The following RORA variants were observed in gnomAD, a reference collection of about 807,000 sequenced individuals.
The protein encoded by RORA is RAR related orphan receptor A.
Under a neutral mutation model 69.5 loss-of-function variants are expected in RORA, and 7 were observed. The observed-to-expected ratio is 0.10, with a 90% CI of 0.06 to 0.19. The LOEUF (loss-of-function observed/expected upper bound fraction) is 0.19, where lower values mean the gene tolerates loss of function less well. Among genes scored for constraint, RORA ranks in the 10% least tolerant of loss-of-function variants. The pLI, the probability that RORA is intolerant of heterozygous loss-of-function variation, is 1.00. For missense variants in RORA, 457 were observed against 663.0 expected (o/e 0.69, Z 3.41); for synonymous variants, 261 against 240.8 (o/e 1.08, Z -0.78).
At chr15:60,864,623 T>A (rs1389798493) in intron 1 of RORA, among the ~76,000 whole-genome samples, 1 of 152,216 alleles carries the variant, frequency 6.6e-6, no homozygotes, top group Non-Finnish European at 1.5e-5. Context: ...AAATGAGTTC[T>A]GCAAGCTGAC....
intron 1 of RORA, among the ~76,000 whole-genome samples, chr15:60,742,661 A>G (rs2071589828): frequency 6.6e-6 from 1 of 152,164 alleles, no homozygotes; most frequent in Non-Finnish European, 1.5e-5. Flanking sequence ...CTTTGCTAAC[A>G]CTATTCTCCT....
chr15:60,756,213 C>A (rs1217484787), intron 1 of RORA, among the ~76,000 whole-genome samples: 1 of 152,198 alleles, frequency 6.6e-6, no homozygotes, highest in Non-Finnish European at 1.5e-5. Context: ...TTTAAAAGAG[C>A]AGAGTTTGGC....
At chr15:60,944,779 A>C (rs766902929) in intron 1 of RORA, among the ~76,000 whole-genome samples, 12 of 151,968 alleles carry the variant, frequency 7.9e-5, no homozygotes, top group Admixed American at 2.0e-4. Flanking sequence ...CACCATTTCC[A>C]ATAATCGTCC....
intron 1 of RORA, among the ~76,000 whole-genome samples, chr15:60,943,019 A>G (rs1892747174): frequency 6.6e-6 from 1 of 152,248 alleles, no homozygotes; most frequent in African/African-American, 2.4e-5. Context: ...TATTTTTAGC[A>G]TGAACTCTCC....
chr15:60,722,445 G>A (rs1322704808), intron 1 of RORA, among the ~76,000 whole-genome samples: 2 of 152,210 alleles, frequency 1.3e-5, no homozygotes, highest in Admixed American at 6.5e-5. Flanking sequence ...GAGTGTTTCT[G>A]TTCTGCCTTA....
intron 1 of RORA, among the ~76,000 whole-genome samples, chr15:60,808,117 T>C (rs561865427): frequency 6.6e-6 from 1 of 152,216 alleles, no homozygotes; most frequent in South Asian, 2.1e-4. Flanking sequence ...GCAAAATAAA[T>C]AATCAGCAGA....
At chr15:61,115,702 AG>A (rs2079044585) in intron 1 of RORA, among the ~76,000 whole-genome samples, 1 of 152,176 alleles carries the variant, frequency 6.6e-6, no homozygotes, top group African/African-American at 2.4e-5. Flanking sequence ...AGCCCTGAGA[AG>A]GAAGGATCCA....
intron 1 of RORA, among the ~76,000 whole-genome samples, chr15:60,696,998 T>C (rs543282743): frequency 5.3e-4 from 80 of 152,168 alleles, no homozygotes; most frequent in Middle Eastern, 3.4e-3. Flanking sequence ...AATAGGTAAA[T>C]ATCACCTGCA....
intron 1 of RORA, among the ~76,000 whole-genome samples, chr15:61,096,735 C>T (rs937082884): frequency 6.6e-6 from 1 of 152,130 alleles, no homozygotes; most frequent in African/African-American, 2.4e-5. Context: ...GGGAAGGCAG[C>T]TCAGAGTCAT....
intron 1 of RORA, among the ~76,000 whole-genome samples, chr15:61,157,805 C>T (rs761811229): frequency 2.4e-4 from 37 of 152,110 alleles, no homozygotes; most frequent in Admixed American, 6.6e-4. Flanking sequence ...TTAAATAAAT[C>T]GATAAATAAA....
chr15:60,592,618 G>C, intron 2 of RORA: 1 of 1,162,282 alleles, frequency 8.6e-7, no homozygotes, highest in Non-Finnish European at 1.1e-6. Flanking sequence ...GCGCCCCTCC[G>C]CTTCCTCCCG....
At chr15:60,659,594 A>G (rs1273035886) in intron 2 of RORA, among the ~76,000 whole-genome samples, 3 of 152,214 alleles carry the variant, frequency 2.0e-5, no homozygotes, top group African/African-American at 7.2e-5. Flanking sequence ...TACACTTTAT[A>G]TAGTTCAAGA....
intron 2 of RORA, among the ~76,000 whole-genome samples, chr15:60,645,965 G>A (rs897828112): frequency 1.3e-5 from 2 of 152,078 alleles, no homozygotes; most frequent in East Asian, 1.9e-4. Context: ...CAGAAATTCC[G>A]CACCATATGT....
chr15:61,082,170 G>C (rs753512637), intron 1 of RORA, among the ~76,000 whole-genome samples: 1 of 152,054 alleles, frequency 6.6e-6, no homozygotes, highest in Non-Finnish European at 1.5e-5. Flanking sequence ...ACTTACACAC[G>C]GCAGTCAACC....
intron 1 of RORA, among the ~76,000 whole-genome samples, chr15:60,733,107 T>C (rs1364909394): frequency 6.6e-6 from 1 of 152,184 alleles, no homozygotes; most frequent in East Asian, 1.9e-4. Flanking sequence ...AGAACTTTCA[T>C]AAGTTGGAGA....
At chr15:61,110,241 C>G (rs2078991543) in intron 1 of RORA, among the ~76,000 whole-genome samples, 1 of 152,152 alleles carries the variant, frequency 6.6e-6, no homozygotes. Context: ...ACTAAAAATA[C>G]AAAAATTAGC....
intron 2 of RORA, among the ~76,000 whole-genome samples, chr15:60,650,307 G>C (rs1415046973): frequency 1.3e-5 from 2 of 152,030 alleles, no homozygotes. Flanking sequence ...TATTGAAGTT[G>C]TTCGAGAACA....
At chr15:60,862,964 C>A (rs550481949) in intron 1 of RORA, among the ~76,000 whole-genome samples, 1 of 152,302 alleles carries the variant, frequency 6.6e-6, no homozygotes, top group South Asian at 2.1e-4. Flanking sequence ...TCTCTGCTGT[C>A]CAACTGTGTG....
At chr15:60,699,709 C>T (rs1161545920) in intron 1 of RORA, among the ~76,000 whole-genome samples, 6 of 152,124 alleles carry the variant, frequency 3.9e-5, no homozygotes, top group Non-Finnish European at 8.8e-5. Context: ...CTATATTTAA[C>T]ACTTTCTGTA....
Sources: gnomAD v4.1 joint callset for allele counts (sites outside exome capture counted in the v4.1 genomes callset) on GRCh38, gnomAD v4.1.1 for gene constraint, MANE v1.5 for transcripts, NCBI Gene and HGNC (gene_info 2026-07-23, HGNC 2026-07-21) for gene names.